Variants in BLTP2 observed in about 807,000 individuals in gnomAD.
BLTP2 encodes U937-associated antigen.
chr17:28,640,725 A>G, the BLTP2 span: 3 of 1,605,540 alleles, frequency 1.9e-6, no homozygotes, highest in Non-Finnish European at 2.6e-6. Flanking sequence ...TCAATTCTTA[A>G]CACTCCCAGT....
At chr17:28,637,454 T>C in the BLTP2 span, among the ~76,000 whole-genome samples, 3 of 152,228 alleles carry the variant, frequency 2.0e-5, no homozygotes, top group African/African-American at 7.2e-5. Flanking sequence ...CTCTCTTGAC[T>C]AGATCAAGGC....
the BLTP2 span, among the ~76,000 whole-genome samples, chr17:28,644,628 G>A: frequency 1.3e-5 from 2 of 152,206 alleles, no homozygotes; most frequent in Non-Finnish European, 2.9e-5. Flanking sequence ...GTTCTCCCCA[G>A]ACCGATGCTG....
chr17:28,620,720 T>C, the BLTP2 span: 1 of 1,419,658 alleles, frequency 7.0e-7, no homozygotes, highest in Non-Finnish European at 9.8e-7. Flanking sequence ...ACCACCCCAC[T>C]AGTCAACCCC....
the BLTP2 span, chr17:28,639,017 A>G: frequency 2.1e-6 from 1 of 477,848 alleles, no homozygotes; most frequent in Non-Finnish European, 3.7e-6. Context: ...CTGCCACCTT[A>G]CAATCAAAGG....
At chr17:28,631,460 A>C in the BLTP2 span, 1 of 1,608,586 alleles carries the variant, frequency 6.2e-7, no homozygotes. Flanking sequence ...GGTAATAAAG[A>C]AAGTGTGTCA....
chr17:28,615,201 C>G, the BLTP2 span: 1 of 1,614,016 alleles, frequency 6.2e-7, no homozygotes, highest in African/African-American at 1.3e-5. Flanking sequence ...TTTCCCCGGA[C>G]CTCAGAGCCT....
At chr17:28,632,954 G>C in the BLTP2 span, 2 of 1,530,686 alleles carry the variant, frequency 1.3e-6, no homozygotes, top group South Asian at 2.6e-5. Context: ...CCACTGTGCC[G>C]AGTCAGATCC....
At chr17:28,637,233 C>T in the BLTP2 span, 1 of 1,262,342 alleles carries the variant, frequency 7.9e-7, no homozygotes. Context: ...ATAGTCCTCA[C>T]TCGCCTTTCT....
At chr17:28,639,885 A>G in the BLTP2 span, 1 of 1,614,036 alleles carries the variant, frequency 6.2e-7, no homozygotes, top group Non-Finnish European at 8.5e-7. Context: ...CAGTACCAGT[A>G]CCCCGACCCA....
chr17:28,638,891 C>T, the BLTP2 span, among the ~76,000 whole-genome samples: 1 of 152,168 alleles, frequency 6.6e-6, no homozygotes, highest in South Asian at 2.1e-4. Flanking sequence ...AGGCCAAATA[C>T]AATGAACACC....
the BLTP2 span, chr17:28,624,226 A>G: frequency 6.2e-7 from 1 of 1,613,132 alleles, no homozygotes; most frequent in Non-Finnish European, 8.5e-7. Context: ...TTGTAAAGAG[A>G]AGGTACCTGA....
At chr17:28,641,153 T>G in the BLTP2 span, among the ~76,000 whole-genome samples, 2 of 152,230 alleles carry the variant, frequency 1.3e-5, no homozygotes, top group Admixed American at 1.3e-4. Flanking sequence ...CTGTGGGAAC[T>G]CATGTATACA....
the BLTP2 span, chr17:28,638,180 T>A: frequency 6.3e-7 from 1 of 1,597,166 alleles, no homozygotes; most frequent in Non-Finnish European, 8.6e-7. Flanking sequence ...TGCATTAGGA[T>A]GCTCAGCGCT....
chr17:28,642,340 G>C, the BLTP2 span: 46 of 1,613,964 alleles, frequency 2.9e-5, no homozygotes, highest in Non-Finnish European at 3.8e-5. Context: ...ATTAGCCTGG[G>C]AAAGGAAAAA....
At chr17:28,642,783 G>A in the BLTP2 span, 8 of 766,046 alleles carry the variant, frequency 1.0e-5, no homozygotes, top group Admixed American at 8.1e-5. Context: ...TGCACAGAAT[G>A]AGAACTTAAC....
chr17:28,637,052 G>A, the BLTP2 span: 1 of 1,613,964 alleles, frequency 6.2e-7, no homozygotes. Flanking sequence ...CCTTGCAACA[G>A]GGTTGCATCT....
chr17:28,617,322 T>A, the BLTP2 span: 2 of 1,611,594 alleles, frequency 1.2e-6, no homozygotes, highest in Non-Finnish European at 1.7e-6. Flanking sequence ...TATTCACCTA[T>A]AAAGACAGAT....
the BLTP2 span, among the ~76,000 whole-genome samples, chr17:28,627,881 G>A: frequency 1.3e-4 from 19 of 151,992 alleles, no homozygotes; most frequent in African/African-American, 4.6e-4. Flanking sequence ...GGCTGGTCTT[G>A]AACTCCTCAC....
the BLTP2 span, chr17:28,644,871 C>A: frequency 9.5e-6 from 7 of 737,948 alleles, no homozygotes; most frequent in Non-Finnish European, 1.1e-5. Context: ...CTCCACCCTA[C>A]CCACTCTGCC....
Sources: gnomAD v4.1 joint callset for allele counts (sites outside exome capture counted in the v4.1 genomes callset) on GRCh38, gnomAD v4.1.1 for gene constraint, MANE v1.5 for transcripts, NCBI Gene and HGNC (gene_info 2026-07-23, HGNC 2026-07-21) for gene names.